Variants in USP47 observed in about 807,000 individuals in gnomAD.
The protein encoded by USP47 is ubiquitin specific peptidase 47.
USP47 carries 35 observed loss-of-function variants against 165.1 expected under a neutral mutation model. The ratio of observed to expected loss-of-function variants is 0.21; its 90% CI spans 0.16 to 0.28. The LOEUF is 0.28. Ranked by LOEUF, USP47 falls within the 10% of genes least tolerant of loss-of-function variation. USP47 has a pLI of 1.00. For synonymous variants in USP47, 531 were observed against 544.5 expected (o/e 0.98, Z 0.35); for missense variants, 1,277 against 1,607.4 (o/e 0.79, Z 3.52).
At chr11:11,945,167 C>T (rs1380829337) in intron 20 of USP47, among the ~76,000 whole-genome samples, 1 of 152,108 alleles carries the variant, frequency 6.6e-6, no homozygotes, top group Non-Finnish European at 1.5e-5. Flanking sequence ...AAAATGTCTT[C>T]TCATGTTTAG....
intron 11 of USP47, among the ~76,000 whole-genome samples, chr11:11,926,639 T>C (rs940190004): frequency 6.6e-6 from 1 of 151,318 alleles, no homozygotes; most frequent in Non-Finnish European, 1.5e-5. Context: ...CATTTTTTTT[T>C]CCTATTCTCT....
intron 16 of USP47, 46 bp downstream of exon 16, chr11:11,933,981 A>G (rs748696328): frequency 1.4e-6 from 2 of 1,397,536 alleles, no homozygotes; most frequent in East Asian, 4.6e-5. Flanking sequence ...ATACAACAGT[A>G]TTAACATAAT....
chr11:11,935,867 A>G (rs1360497590), intron 16 of USP47, among the ~76,000 whole-genome samples: 1 of 151,950 alleles, frequency 6.6e-6, no homozygotes, highest in African/African-American at 2.4e-5. Flanking sequence ...TCCTGTACTT[A>G]GATTGTTACT....
intron 25 of USP47, among the ~76,000 whole-genome samples, chr11:11,954,271 T>G (rs1856416798): frequency 6.6e-6 from 1 of 151,948 alleles, no homozygotes; most frequent in South Asian, 2.1e-4. Flanking sequence ...ATTTATTTAT[T>G]TATGTATTTA....
chr11:11,914,474 G>T (rs1192397640), intron 8 of USP47, among the ~76,000 whole-genome samples: 2 of 152,138 alleles, frequency 1.3e-5, no homozygotes, highest in African/African-American at 4.8e-5. Flanking sequence ...AAGTCTTCCA[G>T]ATCTGGGCTA....
intron 1 of USP47, among the ~76,000 whole-genome samples, chr11:11,865,832 G>A (rs1849645320): frequency 6.6e-6 from 1 of 152,042 alleles, no homozygotes; most frequent in Admixed American, 6.6e-5. Flanking sequence ...ATTCTTTGGA[G>A]AAATGTTTAA....
intron 1 of USP47, among the ~76,000 whole-genome samples, chr11:11,860,945 C>T (rs958950890): frequency 2.0e-4 from 30 of 152,158 alleles, no homozygotes; most frequent in African/African-American, 7.2e-4. Context: ...CAGCATTATA[C>T]AGTCATCAGA....
intron 1 of USP47, among the ~76,000 whole-genome samples, chr11:11,868,954 CTA>C (rs909813971): frequency 4.0e-5 from 6 of 151,738 alleles, no homozygotes; most frequent in African/African-American, 1.5e-4. Context: ...TGATTTTTGT[CTA>C]TGTGCTAATT....
chr11:11,918,963 A>AG (rs1267469297), intron 8 of USP47, among the ~76,000 whole-genome samples: 2 of 151,820 alleles, frequency 1.3e-5, no homozygotes, highest in Non-Finnish European at 2.9e-5. Context: ...TATGCCTGAG[A>AG]GGGAAAAAAA....
rs1850741245 is a variant in USP47 at position 11,880,210 on chromosome 11, T to C, written c.73T>C (p.Cys25Arg). 1.4e-6 allele frequency: 2 copies of C among 1,476,846 alleles called. No individual in the cohort carries two copies. The highest frequency in any genetic ancestry group is 1.8e-6 in the Non-Finnish European group (2 of 1,124,608). 91.5% of individuals were successfully genotyped at this position (1,476,846 alleles called of 1,614,324 possible). Residue 25 changes from cysteine to arginine, a missense_variant, in exon 2 of 28, where the codon TGT becomes CGT. Transcript: ENST00000527733. The stretch of plus-strand genomic sequence containing the variant: ...TGCTGCTGAAGAACCTAGAGTCTTA[T>C]GTATTATACAAGATACTACTAATTC... Reference protein sequence around the residue: ...ENAAEEPRVLCIIQDTTNSKT... With the variant: ...ENAAEEPRVLRIIQDTTNSKT...
At position 11,842,192 on chromosome 11, in the gene USP47, C is replaced by G. The variant is rs1848159038; in HGVS notation, c.7C>G (p.Pro3Ala). The G allele has an allele frequency of 6.4e-7, 1 of 1,553,774 alleles. No individual in the cohort carries two copies. The highest frequency in any genetic ancestry group is 1.2e-5 in the South Asian group (1 of 84,228). MV[P>A]GEENQLVPKE... The stretch of plus-strand genomic sequence containing the variant: ...GGAGCGGCCGGAGTCAGCGATGGTG[C>G]CCGGCGAGGAGAACCAACTGGTCCC... Residue 3 changes from proline (P) to alanine (A), a missense_variant, in exon 1 of 28, where the codon CCC (proline) becomes GCC (alanine). Pro to Ala is a conservative substitution (Grantham distance 27). This residue lies in a region of USP47 where 181 missense variants were observed against 194.7 expected (regional missense o/e 0.93). Coordinates refer to ENST00000527733, the MANE Select transcript of USP47 (RefSeq NM_001282659.2).
intron 2 of USP47, among the ~76,000 whole-genome samples, chr11:11,882,241 C>T (rs980233182): frequency 3.9e-5 from 6 of 152,028 alleles, no homozygotes; most frequent in African/African-American, 1.4e-4. Context: ...GGTTTATTTT[C>T]TTAACATAGA....
In USP47 at chr11:11,956,316, A is replaced by G. The variant is rs930945587; in HGVS notation, c.*141A>G. ...CTGATTGGACTGCCCTACACCAATC[A>G]GAAGCTCAGTGCCCAATGGGCCACT... is the stretch of plus-strand genomic sequence containing the variant. On this transcript the variant is annotated 3_prime_UTR_variant, in exon 28 of 28. Transcript: ENST00000527733. The G allele has an allele frequency of 1.3e-6, 1 of 753,704 alleles. No individual in the cohort carries two copies. The highest frequency in any genetic ancestry group is 3.0e-5 in the East Asian group (1 of 33,154). The allele number at this position is 753,704 out of a possible 1,614,324, so 46.7% of individuals were successfully genotyped here. A position where few individuals can be genotyped will look rare whatever the true frequency, so the allele number is the denominator to read the frequency against.
chr11:11,927,619 G>T (rs770271358), intron 11 of USP47, among the ~76,000 whole-genome samples: 1 of 151,996 alleles, frequency 6.6e-6, no homozygotes, highest in African/African-American at 2.4e-5. Flanking sequence ...TAATCTGTGT[G>T]CCTTTCATTT....
In USP47 at chr11:11,914,049, A is replaced by T. The variant is rs368029842; in HGVS notation, c.970-6107A>T. On this transcript the variant is annotated intron_variant, in intron 8 of 27. Coordinates refer to ENST00000527733, the MANE Select transcript of USP47 (RefSeq NM_001282659.2). ...TATACAAGCTTATTCCAAAATGTAT[A>T]TGGAAGCCTAAGAAACTAGAATAGC... Among the ~76,000 whole-genome samples, 31 of 152,238 alleles carry T rather than the reference A, an allele frequency of 2.0e-4. No homozygotes were observed. The East Asian group carries it at 5.0e-3, about 25-fold the overall frequency.
At chr11:11,940,905 G>T (rs1256781636) in intron 19 of USP47, among the ~76,000 whole-genome samples, 1 of 151,538 alleles carries the variant, frequency 6.6e-6, no homozygotes, top group Non-Finnish European at 1.5e-5. Context: ...CCTGGATTGT[G>T]TTTATTCTTG....
At chr11:11,862,977 C>A (rs1849472014) in intron 1 of USP47, among the ~76,000 whole-genome samples, 1 of 152,172 alleles carries the variant, frequency 6.6e-6, no homozygotes, top group Admixed American at 6.5e-5. Context: ...ATCTACCCCC[C>A]TCCCACCCAC....
At chr11:11,909,597 T>C (rs1185758990) in intron 8 of USP47, among the ~76,000 whole-genome samples, 2 of 152,150 alleles carry the variant, frequency 1.3e-5, no homozygotes, top group African/African-American at 2.4e-5. Context: ...TCATACAACA[T>C]TTATTTAGGG....
At chr11:11,854,764 A>G (rs1055739932) in intron 1 of USP47, among the ~76,000 whole-genome samples, 2 of 147,522 alleles carry the variant, frequency 1.4e-5, no homozygotes, top group Non-Finnish European at 3.0e-5. Context: ...GTTCTCTTAT[A>G]TGATCAAGTA....
Sources: gnomAD v4.1 joint callset for allele counts (sites outside exome capture counted in the v4.1 genomes callset) on GRCh38, gnomAD v4.1.1 for gene constraint, gnomAD v4.1.1 regional missense constraint, MANE v1.5 for transcripts, NCBI Gene and HGNC (gene_info 2026-07-23, HGNC 2026-07-21) for gene names.